Variants in PPM1H observed in about 807,000 individuals in gnomAD.
PPM1H encodes protein phosphatase, Mg2+/Mn2+ dependent 1H, also known as protein phosphatase 1H.
In PPM1H, 27 loss-of-function variants were observed where a neutral mutation model predicts 54.9. The observed-to-expected ratio is 0.49, with a 90% CI of 0.36 to 0.68. PPM1H has a LOEUF of 0.68. PPM1H is among the 30% of genes least tolerant of loss of function. The pLI, the probability that PPM1H is intolerant of heterozygous loss-of-function variation, is 0.00. For synonymous variants in PPM1H, 305 were observed against 270.8 expected (o/e 1.13, Z -1.24); for missense variants, 596 against 667.8 (o/e 0.89, Z 1.19).
At chr12:62,835,952 C>T (rs977366540) in intron 1 of PPM1H, among the ~76,000 whole-genome samples, 2 of 152,106 alleles carry the variant, frequency 1.3e-5, no homozygotes, top group Admixed American at 1.3e-4. Flanking sequence ...TTGAGAAAAA[C>T]TTTGTTTCAC....
intron 8 of PPM1H, among the ~76,000 whole-genome samples, chr12:62,682,065 T>G (rs1057228064): frequency 2.0e-5 from 3 of 152,256 alleles, no homozygotes; most frequent in Admixed American, 2.0e-4. Flanking sequence ...AAGTCAAGAC[T>G]GATTACCAGT....
At chr12:62,741,660 T>A (rs2076381408) in intron 4 of PPM1H, among the ~76,000 whole-genome samples, 1 of 152,216 alleles carries the variant, frequency 6.6e-6, no homozygotes, top group Non-Finnish European at 1.5e-5. Context: ...TATGCCTAGC[T>A]GTACCCTTAC....
At chr12:62,747,212 C>T (rs1164233356) in intron 4 of PPM1H, among the ~76,000 whole-genome samples, 1 of 151,850 alleles carries the variant, frequency 6.6e-6, no homozygotes, top group African/African-American at 2.4e-5. Context: ...TCTCGGCTCA[C>T]TGCAACCTCC....
chr12:62,814,333 T>C (rs1236735311), intron 2 of PPM1H, among the ~76,000 whole-genome samples: 1 of 152,174 alleles, frequency 6.6e-6, no homozygotes, highest in Non-Finnish European at 1.5e-5. Context: ...TCCTCCCACG[T>C]TGGCCGCCCC....
chr12:62,768,000 C>T (rs1565782802), intron 4 of PPM1H, among the ~76,000 whole-genome samples: 1 of 152,164 alleles, frequency 6.6e-6, no homozygotes, highest in Non-Finnish European at 1.5e-5. Flanking sequence ...ATTATATCTA[C>T]CAAGATCCCA....
intron 2 of PPM1H, among the ~76,000 whole-genome samples, chr12:62,813,738 G>A (rs2076849722): frequency 6.6e-6 from 1 of 152,062 alleles, no homozygotes; most frequent in African/African-American, 2.4e-5. Context: ...ACGCTCAAGG[G>A]GAGAGTTGAA....
intron 3 of PPM1H, among the ~76,000 whole-genome samples, chr12:62,800,366 C>T (rs1456047499): frequency 1.3e-5 from 2 of 151,344 alleles, no homozygotes; most frequent in African/African-American, 4.9e-5. Context: ...GATGGAGTCA[C>T]GCTGTTGTTG....
Position 62,859,810 on chromosome 12 carries a change from G to A in PPM1H, c.246-27531C>T, listed in dbSNP as rs191728341. ...AACCTAAGGAGAGGGCACATCCATT[G>A]TTGCTGTGGGGGCCACCTTCTGCCT... On this transcript the variant is annotated intron_variant, in intron 1 of 9. Transcript: ENST00000228705. Among the ~76,000 whole-genome samples, 265 of 152,294 alleles carry A rather than the reference G, an allele frequency of 1.7e-3. 1 individual carries two copies. Among genetic ancestry groups the A allele is most frequent in the African/African-American group, 6.0e-3 (248 of 41,580 alleles).
intron 2 of PPM1H, among the ~76,000 whole-genome samples, chr12:62,831,712 TGTGTGTGTGTGTGTGTGA>T (rs1261803833): frequency 6.6e-6 from 1 of 150,734 alleles, no homozygotes; most frequent in Non-Finnish European, 1.5e-5. Flanking sequence ...TGTGTATGTG[TGTGTGTGTGTGTGTGTGA>T]GTGTGTGTGT....
intron 1 of PPM1H, among the ~76,000 whole-genome samples, chr12:62,917,010 G>A (rs1420807168): frequency 6.6e-6 from 1 of 151,656 alleles, no homozygotes; most frequent in Non-Finnish European, 1.5e-5. Context: ...TGAACATTAT[G>A]AAAATGTCTT....
chr12:62,878,503 G>A (rs1407351602), intron 1 of PPM1H, among the ~76,000 whole-genome samples: 2 of 151,850 alleles, frequency 1.3e-5, no homozygotes, highest in Admixed American at 6.6e-5. Context: ...AACACTTGAT[G>A]GTCTGGTTTT....
At chr12:62,798,520 T>C (rs2076749104) in intron 3 of PPM1H, among the ~76,000 whole-genome samples, 1 of 152,112 alleles carries the variant, frequency 6.6e-6, no homozygotes, top group Admixed American at 6.5e-5. Context: ...CCCGGTAAGC[T>C]GTAGGCAGGT....
intron 5 of PPM1H, among the ~76,000 whole-genome samples, chr12:62,731,699 C>T (rs1289302395): frequency 6.6e-6 from 1 of 152,174 alleles, no homozygotes; most frequent in African/African-American, 2.4e-5. Flanking sequence ...TGATGAAAAA[C>T]AGCTGCAAAC....
chr12:62,817,469 A>C (rs2076877886), intron 2 of PPM1H, among the ~76,000 whole-genome samples: 1 of 132,330 alleles, frequency 7.6e-6, no homozygotes, highest in South Asian at 2.6e-4. Flanking sequence ...CTCAAAAAAA[A>C]ACAAACAAAC....
intron 2 of PPM1H, among the ~76,000 whole-genome samples, 153 bp downstream of exon 2, chr12:62,831,961 T>C (rs1179192358): frequency 6.6e-6 from 1 of 151,910 alleles, no homozygotes; most frequent in Non-Finnish European, 1.5e-5. Context: ...GTATGTGTGA[T>C]GTCGTGACGA....
intron 3 of PPM1H, among the ~76,000 whole-genome samples, chr12:62,795,133 C>A (rs1281493666): frequency 6.6e-6 from 1 of 152,086 alleles, no homozygotes; most frequent in East Asian, 1.9e-4. Context: ...ACCCGAGGAC[C>A]AAAGATGAAA....
chr12:62,767,625 G>A (rs989591955), intron 4 of PPM1H, among the ~76,000 whole-genome samples: 1 of 152,176 alleles, frequency 6.6e-6, no homozygotes, highest in African/African-American at 2.4e-5. Flanking sequence ...CCAGTCTGGA[G>A]AAGAGTGAGG....
intron 4 of PPM1H, among the ~76,000 whole-genome samples, chr12:62,765,602 A>G (rs1336423791): frequency 6.6e-6 from 1 of 152,218 alleles, no homozygotes; most frequent in East Asian, 1.9e-4. Context: ...TCCTGCCACA[A>G]ACAAGCTCTG....
At chr12:62,782,106 T>C (rs1435682109) in intron 4 of PPM1H, among the ~76,000 whole-genome samples, 3 of 152,196 alleles carry the variant, frequency 2.0e-5, no homozygotes, top group Non-Finnish European at 4.4e-5. Flanking sequence ...AGATCAAATA[T>C]ATTTCTGAAC....
Sources: allele counts gnomAD v4.1 joint callset (sites outside exome capture counted in the v4.1 genomes callset), GRCh38; gene constraint gnomAD v4.1.1; transcripts MANE v1.5; gene names NCBI Gene and HGNC (gene_info 2026-07-23, HGNC 2026-07-21).